Variants in DNAAF5 observed in about 807,000 individuals in gnomAD.
DNAAF5 encodes the protein HEAT repeat containing 2.
A neutral mutation model predicts 75.8 loss-of-function variants in DNAAF5; 64 were observed. The observed-to-expected ratio is 0.84, with a 90% CI of 0.69 to 1.04. DNAAF5 has a LOEUF of 1.04. Among genes scored for constraint, DNAAF5 ranks in the 50% least tolerant of loss-of-function variants. The pLI is 0.00. For missense variants in DNAAF5, 1,269 were observed against 1,178.5 expected, an observed-to-expected ratio of 1.08 and a Z score of -1.12; for synonymous variants, 657 against 557.2, an observed-to-expected ratio of 1.18 and a Z score of -2.52.
intron 8 of DNAAF5, chr7:769,177 C>A: frequency 1.3e-6 from 1 of 774,486 alleles, no homozygotes; most frequent in East Asian, 2.4e-5. Flanking sequence ...AGAAGGCTCA[C>A]ATCGCGAGGT....
chr7:770,356 G>T, intron 8 of DNAAF5, 115 bp from the exon 9 acceptor site: 1 of 844,482 alleles, frequency 1.2e-6, no homozygotes, highest in South Asian at 1.9e-5. Flanking sequence ...GCGGGGAGGT[G>T]GTGGCCGATA....
At chr7:767,521 C>T (rs776594948) in intron 8 of DNAAF5, among the ~76,000 whole-genome samples, 19 of 152,170 alleles carry the variant, frequency 1.2e-4, no homozygotes, top group Non-Finnish European at 2.2e-4. Context: ...ATACCTCATA[C>T]GAAGTTAAAT....
chr7:778,847 T>G (rs759012752), intron 11 of DNAAF5, among the ~76,000 whole-genome samples: 14 of 152,168 alleles, frequency 9.2e-5, no homozygotes, highest in Non-Finnish European at 1.6e-4. Context: ...GCACCCCCCA[T>G]GCAGCGAGGG....
rs779084408 is a variant in DNAAF5, at chr7:770,574, G to A, written c.1887G>A (p.Leu629=). The change falls in exon 9 of 13, where the codon CTG becomes CTA. Residue 629 remains leucine (L), a synonymous_variant. Coordinates refer to ENST00000297440, the MANE Select transcript of DNAAF5 (RefSeq NM_017802.4). ...PQMRLKLFSI[L]STVLLRATDT... ...TGCGCCTGAAGCTGTTCTCCATCCTGTCCACCGTGCTGCTCAGAGCCACGG... is the reference window on the plus strand; with the variant it reads ...TGCGCCTGAAGCTGTTCTCCATCCTATCCACCGTGCTGCTCAGAGCCACGG... 6.2e-7 allele frequency: 1 copy of A among 1,613,878 alleles called. No homozygotes were observed. Among genetic ancestry groups the A allele is most frequent in the Non-Finnish European group, 8.5e-7 (1 of 1,179,998 alleles).
At position 785,524 on chromosome 7, in the gene DNAAF5, CAA is replaced by C; in HGVS notation, c.2441_2442del (p.Lys814ArgfsTer75). 2 of 1,613,742 alleles carry C rather than the reference CAA, an allele frequency of 1.2e-6. No homozygotes were observed. The highest frequency in any genetic ancestry group is 1.7e-5 in the Admixed American group (1 of 60,024). On this transcript the variant is annotated frameshift_variant, in exon 13 of 13. Coordinates refer to ENST00000297440, the MANE Select transcript of DNAAF5 (RefSeq NM_017802.4). LOFTEE classifies it high-confidence loss of function. Reference sequence around the variant, plus strand: ...TGTTTTTCTGTTTTACAGAGGTCCTCAAAGAGGGCAGCGGGCTGTTCCCAGAT... The same window carrying C: ...TGTTTTTCTGTTTTACAGAGGTCCTCAGAGGGCAGCGGGCTGTTCCCAGAT... Reference protein sequence around the residue: ...AIQDAILEVLKEGSGLFPDLL... With the variant: ...AIQDAILEVLXEGSGLFPDLL...
chr7:754,515 G>A lies in DNAAF5; in HGVS notation c.1025-74G>A. The A allele has an allele frequency of 8.0e-7, 1 of 1,252,794 alleles. No homozygotes were observed. The highest frequency in any genetic ancestry group is 1.3e-5 in the South Asian group (1 of 78,920). The allele number at this position is 1,252,794 out of a possible 1,614,324, so 77.6% of individuals were successfully genotyped here. On this transcript the variant is annotated intron_variant, in intron 4 of 12. Transcript: ENST00000297440. This position sits in a 1 kb window ranked among gnomAD's most constrained non-coding sequence, Gnocchi z 4.8. ...TGAAACTCACAGGTGTCCCTTAAAT[G>A]TGATGTGCGGTAACTTGAGTTGTTG...
intron 12 of DNAAF5, among the ~76,000 whole-genome samples, chr7:783,321 A>G (rs34260834): frequency 0.78 from 118,737 of 152,100 alleles, 46,627 homozygotes; most frequent in South Asian, 0.86. Context: ...TGAGTGTGGC[A>G]GGTGAAGCCG....
chr7:734,187 A>T (rs1018558975), intron 2 of DNAAF5, among the ~76,000 whole-genome samples: 1 of 152,234 alleles, frequency 6.6e-6, no homozygotes, highest in Non-Finnish European at 1.5e-5. Context: ...CCAGATTTAG[A>T]AGAAAGGCTT....
At chr7:765,027 G>A (rs938845194) in intron 8 of DNAAF5, among the ~76,000 whole-genome samples, 1 of 152,234 alleles carries the variant, frequency 6.6e-6, no homozygotes, top group African/African-American at 2.4e-5. Flanking sequence ...AAGCTGAAGC[G>A]GGAGGATCCC....
intron 1 of DNAAF5, 115 bp downstream of exon 1, chr7:727,430 A>G (rs1048332142): frequency 2.8e-6 from 1 of 352,260 alleles, no homozygotes; most frequent in Non-Finnish European, 4.0e-6. Context: ...CCACGCCCGC[A>G]CCCCCCAACA....
intron 11 of DNAAF5, among the ~76,000 whole-genome samples, chr7:777,828 G>A (rs1307814378): frequency 6.6e-6 from 1 of 152,192 alleles, no homozygotes; most frequent in Non-Finnish European, 1.5e-5. Context: ...GAGACAGAGA[G>A]GGGTGCAAGG....
Position 736,561 on chromosome 7 carries a change from T to C in DNAAF5, c.781-4258T>C, listed in dbSNP as rs950930155. On this transcript the variant is annotated intron_variant, in intron 2 of 12. Coordinates refer to ENST00000297440, the MANE Select transcript of DNAAF5 (RefSeq NM_017802.4). ...TTTCCATTTGTATGGAATATCTTTT[T>C]TCGCATCCCTTTATTTTCAGCCTAC... Among the ~76,000 whole-genome samples, 11 of 152,246 alleles carry C rather than the reference T, an allele frequency of 7.2e-5. 1 individual carries two copies. Among genetic ancestry groups the C allele is most frequent in the Admixed American group, 3.3e-4 (5 of 15,280 alleles).
At chr7:778,839 AC>A (rs1778847561) in intron 11 of DNAAF5, among the ~76,000 whole-genome samples, 1 of 151,914 alleles carries the variant, frequency 6.6e-6, no homozygotes, top group African/African-American at 2.4e-5. Context: ...CAGCAAAAGC[AC>A]CCCCCATGCA....
At chr7:762,153 G>C (rs1312902235) in intron 7 of DNAAF5, among the ~76,000 whole-genome samples, 1 of 152,202 alleles carries the variant, frequency 6.6e-6, no homozygotes, top group Non-Finnish European at 1.5e-5. Flanking sequence ...CAAGAAATAA[G>C]ACGTAACCTT....
At chr7:759,188 T>C (rs1216821517) in intron 6 of DNAAF5, among the ~76,000 whole-genome samples, 1 of 152,160 alleles carries the variant, frequency 6.6e-6, no homozygotes, top group Non-Finnish European at 1.5e-5. Context: ...AGGTTGAAAA[T>C]GTCTTTCAAG....
chr7:760,180 G>A (rs892284199), intron 6 of DNAAF5, among the ~76,000 whole-genome samples: 2 of 152,176 alleles, frequency 1.3e-5, no homozygotes, highest in Admixed American at 6.5e-5. Context: ...CGGGGCCGGG[G>A]TGCAAGGACA....
At chr7:738,098 C>T (rs1400662342) in intron 2 of DNAAF5, among the ~76,000 whole-genome samples, 2 of 152,182 alleles carry the variant, frequency 1.3e-5, no homozygotes, top group Non-Finnish European at 2.9e-5. Context: ...GTGCTTCATT[C>T]TTTCTATTCT....
chr7:735,142 T>C (rs978258720), intron 2 of DNAAF5, among the ~76,000 whole-genome samples: 2 of 151,546 alleles, frequency 1.3e-5, no homozygotes, highest in African/African-American at 4.9e-5. Flanking sequence ...ACTCACGATG[T>C]CATTGCTCAC....
intron 12 of DNAAF5, among the ~76,000 whole-genome samples, chr7:783,279 C>T (rs1280645785): frequency 6.6e-6 from 1 of 152,242 alleles, no homozygotes. Context: ...CACCTGGTGC[C>T]CACTCGCGGG....
Sources: allele counts gnomAD v4.1 joint callset (sites outside exome capture counted in the v4.1 genomes callset), GRCh38; gene constraint gnomAD v4.1.1; non-coding constraint Gnocchi (gnomAD v3.1); transcripts MANE v1.5; gene names NCBI Gene and HGNC (gene_info 2026-07-23, HGNC 2026-07-21).